RABGAP1L: variants seen among roughly 807,000 people sequenced by gnomAD.
RABGAP1L encodes the protein rab GTPase-activating protein 1-like.
RABGAP1L carries 63 observed loss-of-function variants against 137.7 expected under a neutral mutation model. The ratio of observed to expected loss-of-function variants is 0.46; its 90% CI spans 0.37 to 0.56. RABGAP1L has a LOEUF of 0.56. Among genes scored for constraint, RABGAP1L ranks in the 20% least tolerant of loss-of-function variants. RABGAP1L has a pLI of 0.00. For synonymous variants in RABGAP1L, 431 were observed against 433.7 expected (o/e 0.99, Z 0.08); for missense variants, 1,095 against 1,244.0 (o/e 0.88, Z 1.80).
chr1:174,455,625 G>T (rs1423575736), intron 13 of RABGAP1L, among the ~76,000 whole-genome samples: 3 of 151,954 alleles, frequency 2.0e-5, no homozygotes, highest in Non-Finnish European at 4.4e-5. Context: ...AGAGTTCTAA[G>T]TTTAATATAA....
At chr1:174,675,468 A>G (rs1181444615) in intron 14 of RABGAP1L, among the ~76,000 whole-genome samples, 2 of 151,802 alleles carry the variant, frequency 1.3e-5, no homozygotes, top group Non-Finnish European at 2.9e-5. Context: ...TGGTACCAGT[A>G]CCATGCTGTT....
chr1:174,281,106 G>A (rs1045471682), intron 10 of RABGAP1L, among the ~76,000 whole-genome samples: 1 of 152,168 alleles, frequency 6.6e-6, no homozygotes, highest in Non-Finnish European at 1.5e-5. Context: ...AGCTCATAAA[G>A]GTAGTGCGGA....
At chr1:174,560,396 A>T (rs1450625946) in intron 13 of RABGAP1L, among the ~76,000 whole-genome samples, 2 of 152,160 alleles carry the variant, frequency 1.3e-5, no homozygotes, top group African/African-American at 4.8e-5. Context: ...TGAGTTAAGA[A>T]TTTAAGAACT....
chr1:174,576,592 T>C (rs1668391221), intron 13 of RABGAP1L, among the ~76,000 whole-genome samples: 1 of 152,220 alleles, frequency 6.6e-6, no homozygotes, highest in South Asian at 2.1e-4. Flanking sequence ...TTTCATCTTT[T>C]ATTCCATAGC....
chr1:174,371,997 T>C (rs897276130), intron 12 of RABGAP1L, among the ~76,000 whole-genome samples: 2 of 152,166 alleles, frequency 1.3e-5, no homozygotes, highest in African/African-American at 4.8e-5. Flanking sequence ...GTTTATCAAA[T>C]TTGGACCAAA....
chr1:174,298,304 T>C (rs373522985), intron 10 of RABGAP1L, among the ~76,000 whole-genome samples: 18 of 152,280 alleles, frequency 1.2e-4, no homozygotes, highest in African/African-American at 4.3e-4. Flanking sequence ...CTGCTTGCAC[T>C]CATGAAGCAG....
intron 1 of RABGAP1L, among the ~76,000 whole-genome samples, chr1:174,182,375 C>A (rs569305062): frequency 1.3e-5 from 2 of 152,290 alleles, no homozygotes; most frequent in South Asian, 4.1e-4. Context: ...TGTAAAATTT[C>A]TAAGTCGAAA....
chr1:174,392,517 A>T (rs1647277667), intron 12 of RABGAP1L, among the ~76,000 whole-genome samples: 1 of 152,172 alleles, frequency 6.6e-6, no homozygotes, highest in African/African-American at 2.4e-5. Context: ...AGTTTCTCTA[A>T]CCCAACAATA....
At chr1:174,327,992 T>TAC (rs1553274553) in intron 11 of RABGAP1L, among the ~76,000 whole-genome samples, 40 of 57,592 alleles carry the variant, frequency 6.9e-4, no homozygotes, top group East Asian at 5.4e-3. Context: ...CACACATATA[T>TAC]ATATATATAT....
Position 174,836,212 on chromosome 1 carries a change from C to T in RABGAP1L, c.2340+24252C>T, listed in dbSNP as rs554290921. On this transcript the variant is annotated intron_variant, in intron 19 of 25. Transcript: ENST00000681986. ...ACATGTATTTTCTGTCATACATGAC[C>T]AGGCAAATTGAGTAGATTAGGATGT... Among the ~76,000 whole-genome samples the T allele has an allele frequency of 2.0e-4, 31 of 151,938 alleles. No individual in the cohort carries two copies. In the South Asian group the frequency reaches 6.3e-3, roughly 31 times the overall value.
chr1:174,953,827 G>A (rs1366247269), intron 19 of RABGAP1L, among the ~76,000 whole-genome samples: 2 of 152,180 alleles, frequency 1.3e-5, no homozygotes, highest in Admixed American at 1.3e-4. Context: ...AGGTCAGAAG[G>A]TTCTGCAGAG....
At chr1:174,226,266 C>T (rs988469546) in intron 3 of RABGAP1L, among the ~76,000 whole-genome samples, 2 of 152,128 alleles carry the variant, frequency 1.3e-5, no homozygotes, top group African/African-American at 4.8e-5. Context: ...TTCCTATTTA[C>T]TTTTTAAAAG....
chr1:174,543,954 C>T (rs970129447), intron 13 of RABGAP1L, among the ~76,000 whole-genome samples: 16 of 152,136 alleles, frequency 1.1e-4, no homozygotes, highest in African/African-American at 2.7e-4. Context: ...AACTTTCTGC[C>T]GAGAGATCCG....
At chr1:174,970,758 A>T (rs1001625450) in intron 21 of RABGAP1L, among the ~76,000 whole-genome samples, 1 of 152,168 alleles carries the variant, frequency 6.6e-6, no homozygotes, top group Non-Finnish European at 1.5e-5. Context: ...GTTTAAAAAA[A>T]ATGTATATAC....
intron 10 of RABGAP1L, among the ~76,000 whole-genome samples, chr1:174,294,086 T>C (rs1676877821): frequency 6.6e-6 from 1 of 152,190 alleles, no homozygotes; most frequent in African/African-American, 2.4e-5. Flanking sequence ...ATGGGGATTA[T>C]AATTATGCCA....
At chr1:174,633,841 C>G (rs1471482447) in intron 13 of RABGAP1L, among the ~76,000 whole-genome samples, 3 of 126,812 alleles carry the variant, frequency 2.4e-5, no homozygotes, top group Non-Finnish European at 4.8e-5. Flanking sequence ...ATGTAGAAAG[C>G]TGAAACTGGA....
At chr1:174,306,827 A>G (rs553583748) in intron 11 of RABGAP1L, among the ~76,000 whole-genome samples, 2 of 152,310 alleles carry the variant, frequency 1.3e-5, no homozygotes, top group South Asian at 4.1e-4. Context: ...AACTAGAGCT[A>G]AATGACAGAT....
chr1:174,950,909 T>C (rs1484694367), intron 19 of RABGAP1L, among the ~76,000 whole-genome samples: 5 of 152,190 alleles, frequency 3.3e-5, no homozygotes, highest in Non-Finnish European at 1.5e-5. Context: ...AGTATTTGCA[T>C]CCATAAATTA....
At chr1:174,671,521 A>G (rs1008804976) in intron 14 of RABGAP1L, among the ~76,000 whole-genome samples, 4 of 152,160 alleles carry the variant, frequency 2.6e-5, no homozygotes, top group African/African-American at 9.6e-5. Context: ...TCATGAAGTG[A>G]TGTGGAATTT....
Sources: gnomAD v4.1 joint callset for allele counts (sites outside exome capture counted in the v4.1 genomes callset) on GRCh38, gnomAD v4.1.1 for gene constraint, MANE v1.5 for transcripts, NCBI Gene and HGNC (gene_info 2026-07-23, HGNC 2026-07-21) for gene names.